HK1: variants seen among roughly 807,000 people sequenced by gnomAD.
HK1 encodes hexokinase-1.
In HK1, 28 loss-of-function variants were observed where a neutral mutation model predicts 91.6. That is an observed-to-expected ratio of 0.31 (90% CI 0.23 to 0.42). The LOEUF is 0.42. Ranked by LOEUF, HK1 falls within the 10% of genes least tolerant of loss-of-function variation. The pLI is 1.00. For synonymous variants in HK1, 430 were observed against 468.1 expected (o/e 0.92, Z 1.05); for missense variants, 770 against 1,219.8 (o/e 0.63, Z 5.49).
chr10:69,361,756 A>G (rs1448912534), intron 3 of HK1, among the ~76,000 whole-genome samples: 1 of 152,148 alleles, frequency 6.6e-6, no homozygotes, highest in African/African-American at 2.4e-5. Context: ...CCTTTTAAGC[A>G]GCCTGAAAAG....
intron 1 of HK1, among the ~76,000 whole-genome samples, chr10:69,275,334 A>G (rs1380775837): frequency 6.6e-6 from 1 of 152,040 alleles, no homozygotes. Context: ...CAGCCTGAGC[A>G]ACATGGCGAG....
chr10:69,391,601 C>G (rs865819423), intron 14 of HK1, among the ~76,000 whole-genome samples: 1 of 152,162 alleles, frequency 6.6e-6, no homozygotes, highest in African/African-American at 2.4e-5. Flanking sequence ...AAGATTGCGC[C>G]GCTGCACTCC....
At position 69,384,535 on chromosome 10, in the gene HK1, G is replaced by A. The variant is rs1012786874; in HGVS notation, c.1719+54G>A. ...CACTGCACACACGGCCAGTGGCACC[G>A]GCAGTCACGTGATGACCAAAATCCG... On this transcript the variant is annotated intron_variant, in intron 11 of 17. Transcript: ENST00000359426. 10 of 1,610,190 alleles carry A rather than the reference G, an allele frequency of 6.2e-6. No individual in the cohort carries two copies. The African/African-American group carries it at 6.7e-5, about 11-fold the overall frequency.
At chr10:69,328,409 G>T (rs1847503786) in intron 1 of HK1, among the ~76,000 whole-genome samples, 1 of 152,180 alleles carries the variant, frequency 6.6e-6, no homozygotes, top group Non-Finnish European at 1.5e-5. Context: ...CTTAGCAGGG[G>T]TCTTATTTAA....
upstream of HK1, among the ~76,000 whole-genome samples, chr10:69,315,251 C>T (rs566047106): frequency 2.0e-5 from 3 of 152,276 alleles, no homozygotes; most frequent in Non-Finnish European, 4.4e-5. Flanking sequence ...CTCCCAGGTG[C>T]GGGAGGTACA....
At chr10:69,285,820 C>G (rs1845003064) in intron 2 of HK1, among the ~76,000 whole-genome samples, 1 of 152,204 alleles carries the variant, frequency 6.6e-6, no homozygotes, top group Admixed American at 6.5e-5. Context: ...GACCTCTAGA[C>G]CAAACACTCT....
chr10:69,384,297 T>C, intron 10 of HK1, 36 bp from the exon 11 acceptor site: 2 of 1,614,162 alleles, frequency 1.2e-6, no homozygotes, highest in East Asian at 2.2e-5. Context: ...GGCACTTAGC[T>C]GTTTTTGACA....
At chr10:69,328,432 C>T (rs1847505004) in intron 1 of HK1, among the ~76,000 whole-genome samples, 1 of 152,176 alleles carries the variant, frequency 6.6e-6, no homozygotes, top group Admixed American at 6.5e-5. Context: ...ATTTCTAGTA[C>T]TCATATGAAC....
chr10:69,280,127 TG>T (rs972911194), intron 1 of HK1, among the ~76,000 whole-genome samples: 5 of 151,894 alleles, frequency 3.3e-5, no homozygotes, highest in South Asian at 4.1e-4. Flanking sequence ...AAAAAGGTTT[TG>T]TTTTTTTTTT....
intron 1 of HK1, among the ~76,000 whole-genome samples, chr10:69,336,701 GCA>G (rs2132651987): frequency 7.0e-6 from 1 of 143,352 alleles, no homozygotes; most frequent in East Asian, 2.0e-4. Context: ...GTGCAGTGGT[GCA>G]ATCTCAGCTC....
At chr10:69,286,024 G>C (rs754415629) in intron 2 of HK1, among the ~76,000 whole-genome samples, 3 of 152,124 alleles carry the variant, frequency 2.0e-5, no homozygotes, top group Non-Finnish European at 4.4e-5. Flanking sequence ...AATACCAATG[G>C]GAAAGAGGTA....
chr10:69,280,623 T>C (rs10762274), intron 1 of HK1, among the ~76,000 whole-genome samples: 151,950 of 152,338 alleles, frequency 1, 75,785 homozygotes, highest in Middle Eastern at 1. Context: ...TAAAGGAGAC[T>C]CTAGAGAGCT....
At chr10:69,389,627 G>A (rs1294273311) in intron 14 of HK1, among the ~76,000 whole-genome samples, 2 of 152,062 alleles carry the variant, frequency 1.3e-5, no homozygotes, top group East Asian at 1.9e-4. Context: ...AAACATGGCA[G>A]CTCTATGGGC....
Position 69,384,487 on chromosome 10 carries a change from A to G in HK1, c.1719+6A>G. On this transcript the variant is annotated splice_donor_region_variant and intron_variant, in intron 11 of 17. Transcript: ENST00000359426. ...TGCAGGGCACTGGGGAAGAGGTGAG[A>G]TTACAAAACCATAGTGCATGTGCAC... The G allele has an allele frequency of 1.2e-6, 2 of 1,614,166 alleles. No individual in the cohort carries two copies. The highest frequency in any genetic ancestry group is 2.2e-5 in the East Asian group (1 of 44,878).
chr10:69,329,220 T>A (rs1847558822), intron 1 of HK1, among the ~76,000 whole-genome samples: 1 of 151,924 alleles, frequency 6.6e-6, no homozygotes, highest in South Asian at 2.1e-4. Flanking sequence ...TGGAGTGCAG[T>A]GGTGCAATCT....
chr10:69,297,828 G>A (rs879717693), intron 4 of HK1, among the ~76,000 whole-genome samples: 23 of 150,932 alleles, frequency 1.5e-4, no homozygotes, highest in Admixed American at 3.3e-4. Context: ...CCTGGGAGGC[G>A]GAGGTTGCAG....
At chr10:69,339,978 A>G (rs1848209786) in intron 1 of HK1, among the ~76,000 whole-genome samples, 1 of 152,238 alleles carries the variant, frequency 6.6e-6, no homozygotes, top group Non-Finnish European at 1.5e-5. Context: ...TAAATGACAT[A>G]CTGGATCTTG....
upstream of HK1, among the ~76,000 whole-genome samples, chr10:69,314,049 C>T (rs766014423): frequency 6.6e-6 from 1 of 152,168 alleles, no homozygotes; most frequent in Non-Finnish European, 1.5e-5. Flanking sequence ...AGCCTTCTCC[C>T]GCAGGAAGCA....
At chr10:69,368,768 TCA>T in intron 5 of HK1, 137 bp downstream of exon 5, 1 of 735,966 alleles carries the variant, frequency 1.4e-6, no homozygotes, top group Non-Finnish European at 2.4e-6. Flanking sequence ...AGTTGAGGGC[TCA>T]CAGTGTGGAA....
Sources: gnomAD v4.1 joint callset for allele counts (sites outside exome capture counted in the v4.1 genomes callset) on GRCh38, gnomAD v4.1.1 for gene constraint, MANE v1.5 for transcripts, NCBI Gene and HGNC (gene_info 2026-07-23, HGNC 2026-07-21) for gene names.